GLRA3: variants seen among roughly 807,000 people sequenced by gnomAD.
GLRA3 encodes the protein glycine receptor alpha 3.
In GLRA3, 44 loss-of-function variants were observed where a neutral mutation model predicts 60.4. That is an observed-to-expected ratio of 0.73 (90% CI 0.57 to 0.94). GLRA3 has a LOEUF of 0.94. Among genes scored for constraint, GLRA3 ranks in the 40% least tolerant of loss-of-function variants. The probability of loss-of-function intolerance (pLI) is 0.00; values close to 1 mark genes in which losing one functional copy is unlikely to be tolerated. For synonymous variants in GLRA3, 223 were observed against 192.9 expected (o/e 1.16, Z -1.29); for missense variants, 508 against 564.6 (o/e 0.90, Z 1.02).
intron 1 of GLRA3, among the ~76,000 whole-genome samples, chr4:174,796,651 C>T (rs931971920): frequency 5.3e-5 from 8 of 152,004 alleles, no homozygotes; most frequent in African/African-American, 1.9e-4. Flanking sequence ...ATTCTCCTGC[C>T]TCAGCCCCCC....
intron 2 of GLRA3, among the ~76,000 whole-genome samples, chr4:174,767,787 G>C (rs1409256164): frequency 6.6e-6 from 1 of 152,072 alleles, no homozygotes; most frequent in Non-Finnish European, 1.5e-5. Flanking sequence ...CCAGAAGTGA[G>C]ATACTGGGAC....
chr4:174,742,485 A>G lies in GLRA3; in HGVS notation c.268-13787T>C, dbSNP rs183833047. Among the ~76,000 whole-genome samples the G allele has an allele frequency of 2.7e-4, 41 of 152,314 alleles. No homozygotes were observed. The East Asian group carries it at 7.7e-3, about 29-fold the overall frequency. On this transcript the variant is annotated intron_variant, in intron 3 of 9. Coordinates refer to ENST00000274093, the MANE Select transcript of GLRA3 (RefSeq NM_006529.4). ...AGAAAGGAAAGAGAATTGCAAAAAT[A>G]TGTTGCATTCTGAATCAAATAGCCA... is the stretch of plus-strand genomic sequence containing the variant.
At position 174,639,928 on chromosome 4, in the gene GLRA3, A is replaced by G. The variant is rs1431220647; in HGVS notation, c.*3858T>C. 6.6e-6 allele frequency: 1 copy of G among 152,146 alleles called. No individual in the cohort carries two copies. The highest frequency in any genetic ancestry group is 2.1e-4 in the South Asian group (1 of 4,824). The allele number at this position is 152,146 out of a possible 1,614,324, so 9.4% of individuals were successfully genotyped here. A position where few individuals can be genotyped will look rare whatever the true frequency, so the allele number is the denominator to read the frequency against. ...AAGATGTCTCTTATACAGGTACAAGATGCAATGGGTATTATGGGTACTTTA... is the reference window on the plus strand; with the variant it reads ...AAGATGTCTCTTATACAGGTACAAGGTGCAATGGGTATTATGGGTACTTTA... On this transcript the variant is annotated 3_prime_UTR_variant, in exon 10 of 10. Transcript: ENST00000274093.
intron 3 of GLRA3, among the ~76,000 whole-genome samples, chr4:174,760,495 T>G (rs919995200): frequency 1.3e-5 from 2 of 151,940 alleles, no homozygotes; most frequent in African/African-American, 4.8e-5. Flanking sequence ...AGCTTGCATA[T>G]ATATACTATA....
chr4:174,641,310 T>C lies in GLRA3; in HGVS notation c.*2476A>G, dbSNP rs769815779. Reference sequence around the variant, plus strand: ...GTTGGTTTAATTTAAAATATTCTGGTTGGACACAGGGCTTATTGAGGCAAA... The same window carrying C: ...GTTGGTTTAATTTAAAATATTCTGGCTGGACACAGGGCTTATTGAGGCAAA... On this transcript the variant is annotated 3_prime_UTR_variant, in exon 10 of 10. Coordinates refer to ENST00000274093, the MANE Select transcript of GLRA3 (RefSeq NM_006529.4). 1 of 152,098 alleles carries C rather than the reference T, an allele frequency of 6.6e-6. No individual in the cohort carries two copies. The highest frequency in any genetic ancestry group is 1.5e-5 in the Non-Finnish European group (1 of 67,952). 9.4% of individuals were successfully genotyped at this position (152,098 alleles called of 1,614,324 possible). A position where few individuals can be genotyped will look rare whatever the true frequency, so the allele number is the denominator to read the frequency against.
intron 4 of GLRA3, among the ~76,000 whole-genome samples, chr4:174,727,440 T>C (rs1443440795): frequency 6.6e-6 from 1 of 152,194 alleles, no homozygotes; most frequent in African/African-American, 2.4e-5. Context: ...CCTACCTTGA[T>C]ACCTTTTAAA....
intron 9 of GLRA3, among the ~76,000 whole-genome samples, chr4:174,651,266 G>C (rs907997300): frequency 1.3e-5 from 2 of 152,086 alleles, no homozygotes; most frequent in Non-Finnish European, 1.5e-5. Context: ...TATTGGAATG[G>C]CCAATTAAAA....
chr4:174,813,370 A>G (rs1222163930), intron 1 of GLRA3, among the ~76,000 whole-genome samples: 2 of 152,172 alleles, frequency 1.3e-5, no homozygotes, highest in Non-Finnish European at 2.9e-5. Context: ...GCCTTAATAA[A>G]TAAAGATCAT....
intron 1 of GLRA3, among the ~76,000 whole-genome samples, chr4:174,795,643 C>T (rs999241263): frequency 5.9e-5 from 9 of 152,100 alleles, no homozygotes; most frequent in African/African-American, 2.2e-4. Context: ...AGTATCCTTT[C>T]TTATACCATA....
chr4:174,663,030 T>C (rs1010550439), intron 7 of GLRA3, among the ~76,000 whole-genome samples: 1 of 152,096 alleles, frequency 6.6e-6, no homozygotes, highest in Non-Finnish European at 1.5e-5. Context: ...GGAGATTCAC[T>C]TTCTGGAGCA....
intron 3 of GLRA3, among the ~76,000 whole-genome samples, chr4:174,730,872 A>G (rs1468684450): frequency 1.3e-5 from 2 of 152,160 alleles, no homozygotes; most frequent in Non-Finnish European, 2.9e-5. Context: ...CCCCTGGATG[A>G]CAATAATCCT....
At chr4:174,779,181 G>C (rs973257270) in intron 2 of GLRA3, among the ~76,000 whole-genome samples, 2 of 152,198 alleles carry the variant, frequency 1.3e-5, no homozygotes, top group African/African-American at 2.4e-5. Context: ...GCCTAACTGG[G>C]AGGCACCCCC....
chr4:174,764,330 C>T (rs371437063), intron 3 of GLRA3, among the ~76,000 whole-genome samples: 5 of 152,052 alleles, frequency 3.3e-5, no homozygotes, highest in East Asian at 3.9e-4. Context: ...ATATATTTAG[C>T]CAGTAAAGAC....
chr4:174,786,450 C>A (rs1340674035), intron 2 of GLRA3, among the ~76,000 whole-genome samples: 1 of 152,092 alleles, frequency 6.6e-6, no homozygotes, highest in Non-Finnish European at 1.5e-5. Context: ...ATTCTCACCT[C>A]CTTTTGTGTA....
At chr4:174,793,418 A>G (rs1739436101) in intron 1 of GLRA3, among the ~76,000 whole-genome samples, 1 of 145,004 alleles carries the variant, frequency 6.9e-6, no homozygotes, top group Non-Finnish European at 1.5e-5. Context: ...GTCAAAATTT[A>G]CATTCATTTA....
At chr4:174,708,436 T>G (rs996717062) in intron 5 of GLRA3, among the ~76,000 whole-genome samples, 2 of 150,834 alleles carry the variant, frequency 1.3e-5, no homozygotes, top group Non-Finnish European at 3.0e-5. Flanking sequence ...AAAGTATATA[T>G]CAAGTTTCTT....
intron 7 of GLRA3, among the ~76,000 whole-genome samples, chr4:174,661,077 T>C (rs1330997049): frequency 6.6e-6 from 1 of 152,284 alleles, no homozygotes; most frequent in African/African-American, 2.4e-5. Context: ...GAGTGGTTTT[T>C]AGAAACCAAG....
At chr4:174,659,307 T>TA in intron 7 of GLRA3, 110 bp from the exon 8 acceptor site, 1 of 731,752 alleles carries the variant, frequency 1.4e-6, no homozygotes, top group Non-Finnish European at 2.1e-6. Context: ...ACATAAGTTT[T>TA]AAAAAATAAA....
chr4:174,828,376 A>C (rs1438453214), intron 1 of GLRA3, among the ~76,000 whole-genome samples: 1 of 152,252 alleles, frequency 6.6e-6, no homozygotes, highest in Admixed American at 6.5e-5. Flanking sequence ...TCGTTTCTAA[A>C]TACTAAATGT....
Sources: allele counts gnomAD v4.1 joint callset (sites outside exome capture counted in the v4.1 genomes callset), GRCh38; gene constraint gnomAD v4.1.1; transcripts MANE v1.5; gene names NCBI Gene and HGNC (gene_info 2026-07-23, HGNC 2026-07-21).